Variants in ADAMTSL1 observed in about 807,000 individuals in gnomAD.
The protein encoded by ADAMTSL1 is ADAMTS-like protein 1.
A neutral mutation model predicts 201.8 loss-of-function variants in ADAMTSL1; 126 were observed. The observed-to-expected ratio is 0.62, with a 90% CI of 0.54 to 0.72. The LOEUF (loss-of-function observed/expected upper bound fraction) is 0.72, where lower values mean the gene tolerates loss of function less well. Ranked by LOEUF, ADAMTSL1 falls within the 30% of genes least tolerant of loss-of-function variation. The pLI, the probability that ADAMTSL1 is intolerant of heterozygous loss-of-function variation, is 0.00. For synonymous variants in ADAMTSL1, 1,121 were observed against 903.4 expected, an observed-to-expected ratio of 1.24 and a Z score of -4.32; for missense variants, 2,679 against 2,277.8, an observed-to-expected ratio of 1.18 and a Z score of -3.59.
intron 15 of ADAMTSL1, among the ~76,000 whole-genome samples, chr9:18,738,848 C>G (rs1270272492): frequency 6.6e-6 from 1 of 152,136 alleles, no homozygotes; most frequent in Non-Finnish European, 1.5e-5. Flanking sequence ...CCAATTCTTT[C>G]TATTTTTCTC....
In ADAMTSL1 at chr9:18,310,369, CAAAAAAAAAAAAA is replaced by C. The variant is rs570081965; in HGVS notation, c.207+146406_207+146418del. Among the ~76,000 whole-genome samples the C allele has an allele frequency of 7.9e-3, 279 of 35,284 alleles. 2 individuals carry two copies. The East Asian group carries it at 0.085, about 11-fold the overall frequency. The allele number at this position is 35,284 out of a possible 152,430, so 23.1% of individuals were successfully genotyped here. A position where few individuals can be genotyped will look rare whatever the true frequency, so the allele number is the denominator to read the frequency against. On this transcript the variant is annotated intron_variant, in intron 2 of 29. Coordinates refer to the ADAMTSL1 transcript ENST00000680146. ...ATTAAACTAAAGAGCTTCTGCATAG[CAAAAAAAAAAAAA>C]AAAAAAAAAAAAAAAAACTATCTTC...
intron 1 of ADAMTSL1, among the ~76,000 whole-genome samples, chr9:18,111,637 T>C (rs1419068217): frequency 2.6e-5 from 4 of 152,210 alleles, no homozygotes; most frequent in African/African-American, 9.6e-5. Context: ...GAGTCCACTT[T>C]AGACTGACCG....
rs150855178 is a variant in ADAMTSL1, at chr9:18,314,712, C to T, written c.207+150731C>T. Among the ~76,000 whole-genome samples the T allele has an allele frequency of 5.7e-3, 814 of 143,556 alleles. 8 individuals are homozygous for T. The highest frequency in any genetic ancestry group is 0.02 in the African/African-American group (785 of 38,978). 94.2% of individuals were successfully genotyped at this position (143,556 alleles called of 152,430 possible). ...CAGCAGCAAGGTTTATCTCGAAGAG[C>T]AAAAGAACAAAGCTTCCACAGCGTG... On this transcript the variant is annotated intron_variant, in intron 2 of 29. Transcript: ENST00000680146.
chr9:17,915,654 T>C (rs1334894095), intron 1 of ADAMTSL1, among the ~76,000 whole-genome samples: 3 of 152,300 alleles, frequency 2.0e-5, no homozygotes, highest in African/African-American at 4.8e-5. Flanking sequence ...CAAAAGGTTG[T>C]ACCCTTTTCT....
rs140625222 is a variant in ADAMTSL1, at chr9:18,749,189, A to G, written c.2007-4109A>G. The stretch of plus-strand genomic sequence containing the variant: ...AGGTACTAAGGGTTAGGACTCCAAC[A>G]TACCTTTTTTTGGAGACACAGGTCA... On this transcript the variant is annotated intron_variant, in intron 15 of 28. Coordinates refer to ENST00000380548, the MANE Select transcript of ADAMTSL1 (RefSeq NM_001040272.6). Among the ~76,000 whole-genome samples, 262 of 152,286 alleles carry G rather than the reference A, an allele frequency of 1.7e-3. 1 individual carries two copies. The highest frequency in any genetic ancestry group is 6.1e-3 in the African/African-American group (255 of 41,566).
chr9:17,985,465 C>A (rs1208553691), intron 1 of ADAMTSL1, among the ~76,000 whole-genome samples: 1 of 152,038 alleles, frequency 6.6e-6, no homozygotes, highest in Non-Finnish European at 1.5e-5. Flanking sequence ...AAAATAAAAT[C>A]TTGAAAAATA....
chr9:18,251,978 C>A (rs1275375265), intron 2 of ADAMTSL1, among the ~76,000 whole-genome samples: 1 of 151,220 alleles, frequency 6.6e-6, no homozygotes, highest in African/African-American at 2.4e-5. Context: ...AATTCCAGAT[C>A]AATTAAAGAT....
chr9:18,153,316 G>A (rs1414282314), intron 1 of ADAMTSL1, among the ~76,000 whole-genome samples: 1 of 152,028 alleles, frequency 6.6e-6, no homozygotes, highest in Non-Finnish European at 1.5e-5. Flanking sequence ...ATGCTCTTGG[G>A]AAAGTCGATC....
intron 2 of ADAMTSL1, among the ~76,000 whole-genome samples, chr9:18,236,900 T>C (rs1830870880): frequency 6.6e-6 from 1 of 152,324 alleles, no homozygotes; most frequent in Non-Finnish European, 1.5e-5. Flanking sequence ...TCAGGAAACT[T>C]CCAGATTTAT....
rs527350462 is a variant in ADAMTSL1, at chr9:18,582,756, G to T, written c.474+8490G>T. Among the ~76,000 whole-genome samples the T allele has an allele frequency of 6.6e-5, 10 of 152,064 alleles. No individual in the cohort carries two copies. In the East Asian group the frequency reaches 1.9e-3, roughly 29 times the overall value. ...CCCAGCTTCTCTGGAGGCTGAAGCAGGAGAATTGCTTGAACCAGGGAGGCG... is the reference window on the plus strand; with the variant it reads ...CCCAGCTTCTCTGGAGGCTGAAGCATGAGAATTGCTTGAACCAGGGAGGCG... On this transcript the variant is annotated intron_variant, in intron 4 of 28. Transcript: ENST00000380548.
chr9:18,662,650 A>C (rs1166864423), intron 9 of ADAMTSL1, among the ~76,000 whole-genome samples: 1 of 152,346 alleles, frequency 6.6e-6, no homozygotes, highest in East Asian at 1.9e-4. Context: ...CTTTGAAAGT[A>C]GAAGCTTTAA....
chr9:18,688,184 C>T (rs1052634652), intron 13 of ADAMTSL1, among the ~76,000 whole-genome samples: 1 of 151,216 alleles, frequency 6.6e-6, no homozygotes, highest in African/African-American at 2.4e-5. Flanking sequence ...AATGCAATGG[C>T]GTGATCTCGG....
At chr9:18,030,624 G>A (rs56836466) in intron 1 of ADAMTSL1, among the ~76,000 whole-genome samples, 23,333 of 152,008 alleles carry the variant, frequency 0.15, 1,919 homozygotes, top group East Asian at 0.37. Flanking sequence ...ATGTTTCTTA[G>A]AGGTGGTCTT....
At chr9:18,223,389 T>A (rs1481688538) in intron 2 of ADAMTSL1, among the ~76,000 whole-genome samples, 1 of 152,160 alleles carries the variant, frequency 6.6e-6, no homozygotes, top group African/African-American at 2.4e-5. Flanking sequence ...ATACTCAACC[T>A]GTATCTCCTT....
chr9:18,629,721 G>C (rs184588955), intron 5 of ADAMTSL1, among the ~76,000 whole-genome samples: 4 of 152,216 alleles, frequency 2.6e-5, no homozygotes, highest in Admixed American at 2.0e-4. Context: ...TCTTTGTTTG[G>C]TGTTAGTATT....
In ADAMTSL1 at chr9:18,332,364, G is replaced by C. The variant is rs1835064306; in HGVS notation, c.207+168383G>C. ...GGATTCAGAATTTCCCTCAAAATAAGGAGTGAAAAATTATCTGCATGCCCC... is the reference window on the plus strand; with the variant it reads ...GGATTCAGAATTTCCCTCAAAATAACGAGTGAAAAATTATCTGCATGCCCC... On this transcript the variant is annotated intron_variant, in intron 2 of 29. Coordinates refer to the ADAMTSL1 transcript ENST00000680146. Among the ~76,000 whole-genome samples the C allele has an allele frequency of 2.0e-5, 3 of 152,088 alleles. 1 individual carries two copies. The highest frequency in any genetic ancestry group is 4.4e-5 in the Non-Finnish European group (3 of 68,008).
intron 19 of ADAMTSL1, among the ~76,000 whole-genome samples, chr9:18,791,592 T>G (rs979864067): frequency 1.3e-5 from 2 of 152,170 alleles, no homozygotes; most frequent in African/African-American, 4.8e-5. Flanking sequence ...CAAATAACTA[T>G]GTACCCTTGA....
At chr9:18,657,997 CAG>C (rs1828814201) in intron 8 of ADAMTSL1, among the ~76,000 whole-genome samples, 1 of 130,246 alleles carries the variant, frequency 7.7e-6, no homozygotes, top group African/African-American at 2.9e-5. Context: ...TTTTTTGAGA[CAG>C]AGTCTCGCAC....
chr9:18,017,148 G>A (rs1820292443), intron 1 of ADAMTSL1, among the ~76,000 whole-genome samples: 1 of 151,966 alleles, frequency 6.6e-6, no homozygotes, highest in Admixed American at 6.6e-5. Context: ...CTCTACTATA[G>A]CAAGTTATAG....
Sources: allele counts gnomAD v4.1 joint callset (sites outside exome capture counted in the v4.1 genomes callset), GRCh38; gene constraint gnomAD v4.1.1; transcripts MANE v1.5; gene names NCBI Gene and HGNC (gene_info 2026-07-23, HGNC 2026-07-21).